Variants in MARK3 observed in about 807,000 individuals in gnomAD.
MARK3 encodes the protein MAP/microtubule affinity-regulating kinase 3.
In MARK3, 46 loss-of-function variants were observed where a neutral mutation model predicts 90.1. The observed-to-expected ratio is 0.51, with a 90% CI of 0.40 to 0.65. The LOEUF is 0.65. Ranked by LOEUF, MARK3 falls within the 30% of genes least tolerant of loss-of-function variation. The pLI, the probability that MARK3 is intolerant of heterozygous loss-of-function variation, is 0.00. For synonymous variants in MARK3, 321 were observed against 332.6 expected (o/e 0.97, Z 0.38); for missense variants, 818 against 947.2 (o/e 0.86, Z 1.79).
chr14:103,398,880 A>G (rs1488423167), intron 1 of MARK3, among the ~76,000 whole-genome samples: 3 of 152,210 alleles, frequency 2.0e-5, no homozygotes, highest in Non-Finnish European at 2.9e-5. Context: ...AACCATACCT[A>G]TGTGTTAAGT....
At chr14:103,412,639 A>G in intron 2 of MARK3, 1 of 981,872 alleles carries the variant, frequency 1.0e-6, no homozygotes, top group Non-Finnish European at 1.4e-6. Flanking sequence ...TCTGGGGGTC[A>G]TAGTTCTTCA....
chr14:103,409,866 T>TTA (rs2091530765), intron 2 of MARK3, among the ~76,000 whole-genome samples: 1 of 152,222 alleles, frequency 6.6e-6, no homozygotes, highest in South Asian at 2.1e-4. Flanking sequence ...ATTTTTGTTG[T>TTA]TACAAACAGA....
At chr14:103,449,801 A>T (rs904337234) in intron 4 of MARK3, among the ~76,000 whole-genome samples, 2 of 152,248 alleles carry the variant, frequency 1.3e-5, no homozygotes, top group African/African-American at 2.4e-5. Context: ...TTGTATAGTG[A>T]TAGATCATAC....
intron 5 of MARK3, among the ~76,000 whole-genome samples, chr14:103,456,717 C>A (rs139235469): frequency 6.6e-6 from 1 of 152,262 alleles, no homozygotes; most frequent in African/African-American, 2.4e-5. Context: ...TAGAACAGTG[C>A]CTTGCAGTTA....
At chr14:103,484,807 G>C (rs1595897466) in intron 14 of MARK3, among the ~76,000 whole-genome samples, 1 of 151,872 alleles carries the variant, frequency 6.6e-6, no homozygotes, top group South Asian at 2.1e-4. Flanking sequence ...TGTAGTCCCA[G>C]CTACTTGGGA....
At chr14:103,417,354 TTGAG>T (rs1378867500) in intron 2 of MARK3, 1 of 152,126 alleles carries the variant, frequency 6.6e-6, no homozygotes, top group Non-Finnish European at 1.5e-5. Context: ...GAGTACTAGA[TTGAG>T]TGAGCAGGAA....
At chr14:103,454,499 C>A (rs944653990) in intron 5 of MARK3, among the ~76,000 whole-genome samples, 1 of 152,194 alleles carries the variant, frequency 6.6e-6, no homozygotes, top group African/African-American at 2.4e-5. Flanking sequence ...ATCCACCTGC[C>A]TTGGCCTCCC....
chr14:103,492,116 C>T (rs2094027563), intron 15 of MARK3, 82 bp downstream of exon 15: 1 of 1,484,454 alleles, frequency 6.7e-7, no homozygotes, highest in Non-Finnish European at 9.1e-7. Flanking sequence ...GAAGCCACTG[C>T]TACCTGGATG....
At chr14:103,430,997 G>T (rs1188317578) in intron 3 of MARK3, among the ~76,000 whole-genome samples, 1 of 152,070 alleles carries the variant, frequency 6.6e-6, no homozygotes, top group East Asian at 1.9e-4. Flanking sequence ...ACAGCATCTG[G>T]CTATATACCT....
Position 103,428,369 on chromosome 14 carries a change from A to G in MARK3, c.244-18A>G, listed in dbSNP as rs114165082. 3,509 of 1,289,314 alleles carry G rather than the reference A, an allele frequency of 2.7e-3. 74 individuals are homozygous for G. In the African/African-American group the frequency reaches 0.045, roughly 16 times the overall value. 79.9% of individuals were successfully genotyped at this position (1,289,314 alleles called of 1,614,324 possible). A position where few individuals can be genotyped will look rare whatever the true frequency, so the allele number is the denominator to read the frequency against. On this transcript the variant is annotated intron_variant, in intron 2 of 17. Coordinates refer to ENST00000429436, the MANE Select transcript of MARK3 (RefSeq NM_001128918.3). ...TACTAAATTCTTAAAATCCATAAATATTTATTATTCTTTCTAGGTTGCAAT... is the reference window on the plus strand; with the variant it reads ...TACTAAATTCTTAAAATCCATAAATGTTTATTATTCTTTCTAGGTTGCAAT...
intron 2 of MARK3, among the ~76,000 whole-genome samples, chr14:103,409,184 T>C (rs1595518932): frequency 6.6e-6 from 1 of 151,702 alleles, no homozygotes; most frequent in Admixed American, 6.6e-5. Context: ...TTAAAAACTT[T>C]CTCAGTTTCT....
At chr14:103,431,627 T>A (rs902081339) in intron 3 of MARK3, among the ~76,000 whole-genome samples, 2 of 152,158 alleles carry the variant, frequency 1.3e-5, no homozygotes, top group African/African-American at 4.8e-5. Flanking sequence ...AATAATTGAT[T>A]TTTTGTAATG....
At chr14:103,422,098 A>G (rs2092243803) in intron 2 of MARK3, among the ~76,000 whole-genome samples, 1 of 152,136 alleles carries the variant, frequency 6.6e-6, no homozygotes, top group African/African-American at 2.4e-5. Flanking sequence ...AGGTTTAGGC[A>G]TTATCTATTG....
intron 12 of MARK3, among the ~76,000 whole-genome samples, chr14:103,472,963 G>A (rs1754990276): frequency 1.3e-5 from 2 of 150,912 alleles, no homozygotes; most frequent in African/African-American, 2.4e-5. Flanking sequence ...CCAAGATTGA[G>A]CCACTGCACT....
chr14:103,429,959 G>A (rs1416980380), intron 3 of MARK3, among the ~76,000 whole-genome samples: 1 of 151,986 alleles, frequency 6.6e-6, no homozygotes, highest in Non-Finnish European at 1.5e-5. Context: ...CTTCTTGTTT[G>A]CTTGCTTCCT....
chr14:103,400,408 C>T (rs1270990013), intron 1 of MARK3, among the ~76,000 whole-genome samples: 3 of 152,142 alleles, frequency 2.0e-5, no homozygotes, highest in Non-Finnish European at 2.9e-5. Context: ...TGTTCAACTT[C>T]TTGAAGAAGG....
At chr14:103,410,321 A>AG (rs955428421) in intron 2 of MARK3, among the ~76,000 whole-genome samples, 1 of 152,212 alleles carries the variant, frequency 6.6e-6, no homozygotes, top group African/African-American at 2.4e-5. Context: ...AAAAGAGGGC[A>AG]GAGCCCTTGC....
At chr14:103,442,984 T>A in intron 3 of MARK3, among the ~76,000 whole-genome samples, 2 of 139,174 alleles carry the variant, frequency 1.4e-5, no homozygotes, top group Admixed American at 7.4e-5. Flanking sequence ...AGAGAGGCAA[T>A]GAAATAGATA....
intron 16 of MARK3, chr14:103,499,847 G>T: frequency 4.3e-6 from 1 of 234,498 alleles, no homozygotes. Flanking sequence ...AGGAGTGCCC[G>T]CTGTGCGTGC....
Sources: gnomAD v4.1 joint callset for allele counts (sites outside exome capture counted in the v4.1 genomes callset) on GRCh38, gnomAD v4.1.1 for gene constraint, MANE v1.5 for transcripts, NCBI Gene and HGNC (gene_info 2026-07-23, HGNC 2026-07-21) for gene names.